Variants in ME3 observed in about 807,000 individuals in gnomAD.
ME3 encodes NADP-dependent malic enzyme, mitochondrial.
Under a neutral mutation model 68.9 loss-of-function variants are expected in ME3, and 48 were observed. The observed-to-expected ratio is 0.70, with a 90% CI of 0.55 to 0.89. The LOEUF is 0.89. ME3 is among the 40% of genes least tolerant of loss of function. The pLI is 0.00. For synonymous variants in ME3, 320 were observed against 318.8 expected, an observed-to-expected ratio of 1.00 and a Z score of -0.04; for missense variants, 675 against 797.4, an observed-to-expected ratio of 0.85 and a Z score of 1.85.
chr11:86,563,736 C>T (rs1028137466), intron 2 of ME3, among the ~76,000 whole-genome samples: 1 of 151,978 alleles, frequency 6.6e-6, no homozygotes, highest in Non-Finnish European at 1.5e-5. Flanking sequence ...CTTTGTCAAC[C>T]TTGTTGATGA....
rs1555221553 is a variant in ME3 at position 86,521,425 on chromosome 11, A to ATAATAATAATAAT, written c.468-12559_468-12558insATTATTATTATTA. 1.1e-4 allele frequency among the ~76,000 whole-genome samples: 13 copies of ATAATAATAATAAT among 118,304 alleles called. 1 individual carries two copies. Among genetic ancestry groups the ATAATAATAATAAT allele is most frequent in the South Asian group, 1.1e-3 (4 of 3,792 alleles). The allele number at this position is 118,304 out of a possible 152,430, so 77.6% of individuals were successfully genotyped here. ...CAAACAAACAAAACAAAACAAAACA[A>ATAATAATAATAAT]AACAAAAATAATAATAATAATAATA... is the stretch of plus-strand genomic sequence containing the variant. On this transcript the variant is annotated intron_variant, in intron 4 of 14. Coordinates refer to ENST00000543262, the Ensembl canonical transcript of ME3.
At chr11:86,652,075 C>A (rs889848430) in intron 2 of ME3, among the ~76,000 whole-genome samples, 3 of 152,108 alleles carry the variant, frequency 2.0e-5, no homozygotes, top group Non-Finnish European at 4.4e-5. Flanking sequence ...ACAAACCCTC[C>A]AAGAAATATG....
At chr11:86,590,555 G>A (rs539958332) in intron 2 of ME3, among the ~76,000 whole-genome samples, 1 of 152,164 alleles carries the variant, frequency 6.6e-6, no homozygotes, top group Non-Finnish European at 1.5e-5. Flanking sequence ...AAGTAGGACA[G>A]GCATGGAGGC....
At chr11:86,481,505 CA>C (rs1232883379) in intron 7 of ME3, among the ~76,000 whole-genome samples, 1 of 152,140 alleles carries the variant, frequency 6.6e-6, no homozygotes, top group African/African-American at 2.4e-5. Context: ...GACTCAGAAG[CA>C]AAGCCAGATT....
chr11:86,574,873 C>T (rs76593006), intron 2 of ME3, among the ~76,000 whole-genome samples: 3,619 of 152,300 alleles, frequency 0.024, 59 homozygotes, highest in Middle Eastern at 0.041. Context: ...TTATAAGCTT[C>T]TGAGTTTCAA....
chr11:86,601,571 GA>G (rs1960668342), intron 2 of ME3, among the ~76,000 whole-genome samples: 1 of 151,918 alleles, frequency 6.6e-6, no homozygotes. Context: ...CCAATCAATA[GA>G]AAAAGAGAGA....
At chr11:86,470,036 G>T (rs1186021936) in intron 7 of ME3, among the ~76,000 whole-genome samples, 2 of 152,140 alleles carry the variant, frequency 1.3e-5, no homozygotes, top group Non-Finnish European at 1.5e-5. Flanking sequence ...TGAGGTGGCT[G>T]TTCTGCCCTT....
intron 2 of ME3, among the ~76,000 whole-genome samples, chr11:86,611,552 T>C (rs1166948269): frequency 1.4e-5 from 2 of 139,622 alleles, no homozygotes; most frequent in East Asian, 2.2e-4. Context: ...AATCATCACA[T>C]TGTACATCTT....
At chr11:86,438,834 A>C (rs931207263), downstream of ME3, among the ~76,000 whole-genome samples, 1 of 152,148 alleles carries the variant, frequency 6.6e-6, no homozygotes, top group Non-Finnish European at 1.5e-5. Context: ...AAACAGAACC[A>C]ATAAGATCTT....
At chr11:86,524,910 C>A (rs1000559343) in intron 4 of ME3, among the ~76,000 whole-genome samples, 1 of 152,118 alleles carries the variant, frequency 6.6e-6, no homozygotes, top group African/African-American at 2.4e-5. Context: ...TGACTAAGTT[C>A]CGCCTCCAAA....
At chr11:86,443,985 G>T (rs1949147235) in intron 13 of ME3, among the ~76,000 whole-genome samples, 1 of 152,166 alleles carries the variant, frequency 6.6e-6, no homozygotes, top group South Asian at 2.1e-4. Flanking sequence ...TGTGCTAGGT[G>T]CTGAGGAGCC....
At chr11:86,545,159 G>C (rs1254167252) in intron 4 of ME3, among the ~76,000 whole-genome samples, 1 of 152,132 alleles carries the variant, frequency 6.6e-6, no homozygotes, top group Non-Finnish European at 1.5e-5. Context: ...ACTATCAATG[G>C]AAAGTATCTC....
At chr11:86,587,718 G>A (rs1364472238) in intron 2 of ME3, among the ~76,000 whole-genome samples, 1 of 152,214 alleles carries the variant, frequency 6.6e-6, no homozygotes, top group Admixed American at 6.5e-5. Context: ...CCTAGCTAGA[G>A]AGAAAACTGG....
intron 4 of ME3, among the ~76,000 whole-genome samples, chr11:86,538,669 C>A (rs555377904): frequency 6.6e-6 from 1 of 152,184 alleles, no homozygotes; most frequent in Non-Finnish European, 1.5e-5. Flanking sequence ...CTTCCCTCCT[C>A]ATGCTTCGGT....
chr11:86,458,453 G>A (rs574262807), intron 8 of ME3, among the ~76,000 whole-genome samples: 1 of 152,114 alleles, frequency 6.6e-6, no homozygotes, highest in African/African-American at 2.4e-5. Context: ...CCACAATTTG[G>A]AAAGAACCAG....
At chr11:86,447,379 G>A (rs1003953031) in intron 11 of ME3, among the ~76,000 whole-genome samples, 172 bp from the exon 12 acceptor site, 19 of 152,206 alleles carry the variant, frequency 1.2e-4, no homozygotes, top group African/African-American at 4.3e-4. Context: ...TGCTTGAGCT[G>A]CCTGAGACCT....
intron 13 of ME3, among the ~76,000 whole-genome samples, 196 bp downstream of exon 13, chr11:86,446,118 C>T (rs1279253575): frequency 6.6e-6 from 1 of 152,206 alleles, no homozygotes; most frequent in Non-Finnish European, 1.5e-5. Flanking sequence ...CCCATTCCCC[C>T]TCAAAAGCCC....
At chr11:86,633,204 C>A (rs2135336121) in intron 2 of ME3, among the ~76,000 whole-genome samples, 1 of 152,336 alleles carries the variant, frequency 6.6e-6, no homozygotes, top group South Asian at 2.1e-4. Flanking sequence ...CTCATTGACC[C>A]ACAAGAGAGA....
intron 2 of ME3, among the ~76,000 whole-genome samples, chr11:86,639,340 G>A (rs1407291442): frequency 6.6e-6 from 1 of 152,158 alleles, no homozygotes; most frequent in Admixed American, 6.6e-5. Flanking sequence ...TGAATAAGAA[G>A]TGAGTCAATC....
Sources: allele counts gnomAD v4.1 joint callset (sites outside exome capture counted in the v4.1 genomes callset), GRCh38; gene constraint gnomAD v4.1.1; transcripts MANE v1.5; gene names NCBI Gene and HGNC (gene_info 2026-07-23, HGNC 2026-07-21).